Variants in STPG2 observed in about 807,000 individuals in gnomAD.
The protein encoded by STPG2 is sperm-tail PG-rich repeat-containing protein 2.
STPG2 carries 56 observed loss-of-function variants against 54.2 expected under a neutral mutation model. The ratio of observed to expected loss-of-function variants is 1.03; its 90% confidence interval spans 0.83 to 1.29. The LOEUF (loss-of-function observed/expected upper bound fraction) is 1.29. STPG2 is among the 50% of genes most tolerant of loss of function. The pLI is 0.00. For missense variants in STPG2, 596 were observed against 544.9 expected, an observed-to-expected ratio of 1.09 and a Z score of -0.93; for synonymous variants, 200 against 181.8, an observed-to-expected ratio of 1.10 and a Z score of -0.81.
intron 10 of STPG2, among the ~76,000 whole-genome samples, chr4:97,700,615 C>G (rs1723742274): frequency 6.6e-6 from 1 of 152,216 alleles, no homozygotes; most frequent in Non-Finnish European, 1.5e-5. Flanking sequence ...TTTCCTACTT[C>G]TTGCTCACTG....
intron 10 of STPG2, among the ~76,000 whole-genome samples, chr4:97,606,151 G>A (rs1290186591): frequency 6.6e-6 from 1 of 151,840 alleles, no homozygotes; most frequent in Admixed American, 6.6e-5. Flanking sequence ...TTCCCATCAC[G>A]TGGGGCATTT....
intron 10 of STPG2, among the ~76,000 whole-genome samples, chr4:97,661,712 G>A (rs1414076783): frequency 6.6e-6 from 1 of 151,714 alleles, no homozygotes; most frequent in Admixed American, 6.6e-5. Flanking sequence ...TATTAATAGG[G>A]GAGAAAAGGC....
intron 5 of STPG2, among the ~76,000 whole-genome samples, chr4:98,025,140 T>A (rs1328410944): frequency 2.0e-5 from 3 of 152,168 alleles, no homozygotes; most frequent in African/African-American, 7.2e-5. Context: ...GCAGTTCAAG[T>A]GAATTTAAGG....
intron 8 of STPG2, among the ~76,000 whole-genome samples, chr4:97,904,481 A>G (rs1486010055): frequency 6.6e-6 from 1 of 152,240 alleles, no homozygotes; most frequent in African/African-American, 2.4e-5. Flanking sequence ...GACCAAAAGT[A>G]GATAAAACCA....
At chr4:97,647,982 T>A (rs973887167) in intron 10 of STPG2, among the ~76,000 whole-genome samples, 5 of 152,076 alleles carry the variant, frequency 3.3e-5, no homozygotes, top group African/African-American at 1.2e-4. Context: ...TAAGAGCTAA[T>A]CTGAGAGTTT....
chr4:98,057,878 A>G (rs1258836359), intron 5 of STPG2, among the ~76,000 whole-genome samples: 2 of 152,230 alleles, frequency 1.3e-5, no homozygotes, highest in Admixed American at 6.5e-5. Context: ...TCTAAAATCC[A>G]TAAGAGATCA....
At chr4:97,776,148 G>A (rs1348872109) in intron 9 of STPG2, among the ~76,000 whole-genome samples, 1 of 152,000 alleles carries the variant, frequency 6.6e-6, no homozygotes, top group Non-Finnish European at 1.5e-5. Flanking sequence ...ATTTTTAAAA[G>A]GAATTAACTA....
At chr4:97,742,585 C>T (rs1725294004) in intron 9 of STPG2, among the ~76,000 whole-genome samples, 1 of 138,994 alleles carries the variant, frequency 7.2e-6, no homozygotes, top group Admixed American at 7.6e-5. Context: ...ATATGGAATA[C>T]TATCAGGTCT....
chr4:98,049,008 G>A (rs1014130974), intron 5 of STPG2: 2 of 152,082 alleles, frequency 1.3e-5, no homozygotes, highest in Admixed American at 1.3e-4. Flanking sequence ...TACTGAAGGG[G>A]GTTCAGGAGA....
At chr4:97,928,237 T>C (rs1303156372) in intron 8 of STPG2, among the ~76,000 whole-genome samples, 2 of 152,188 alleles carry the variant, frequency 1.3e-5, no homozygotes, top group Non-Finnish European at 2.9e-5. Flanking sequence ...GTAGGGCAAA[T>C]GCCCTTACGG....
chr4:97,863,558 A>C (rs946379773), intron 8 of STPG2, among the ~76,000 whole-genome samples: 1 of 152,230 alleles, frequency 6.6e-6, no homozygotes, highest in African/African-American at 2.4e-5. Context: ...AAATTATTCC[A>C]GTCAATAGAA....
At chr4:97,500,756 C>G (rs1031330687) in intron 4 of STPG2, among the ~76,000 whole-genome samples, 1 of 151,942 alleles carries the variant, frequency 6.6e-6, no homozygotes, top group African/African-American at 2.4e-5. Flanking sequence ...AGATGAGGAC[C>G]GAGAATTGAC....
At chr4:97,883,828 G>A (rs1015164201) in intron 8 of STPG2, among the ~76,000 whole-genome samples, 12 of 152,114 alleles carry the variant, frequency 7.9e-5, no homozygotes, top group East Asian at 1.9e-4. Flanking sequence ...AAGGCTTCTC[G>A]TCATATTTCA....
At chr4:98,111,187 A>G (rs11726758) in intron 3 of STPG2, among the ~76,000 whole-genome samples, 59,119 of 150,344 alleles carry the variant, frequency 0.39, 11,932 homozygotes, top group Middle Eastern at 0.46. Flanking sequence ...AACCCTCTTA[A>G]CATCCCCAGA....
chr4:97,648,255 A>C (rs1239680753), intron 10 of STPG2, among the ~76,000 whole-genome samples: 1 of 152,140 alleles, frequency 6.6e-6, no homozygotes, highest in Non-Finnish European at 1.5e-5. Context: ...TAGATGAAGC[A>C]TGTGCTTTCC....
rs150981777 is a variant in STPG2, at chr4:97,501,118, T to C, written c.462+211581A>G. 6.1e-3 allele frequency among the ~76,000 whole-genome samples: 934 copies of C among 152,188 alleles called. 5 individuals are homozygous for C. Among genetic ancestry groups the C allele is most frequent in the South Asian group, 0.02 (97 of 4,824 alleles). On this transcript the variant is annotated intron_variant, in intron 4 of 4. Transcript: ENST00000522676. ...TGATCCAGTTCACAACTAGAGAGACTGTGGATACGTACAGGAAAGGTTCAT... is the reference window on the plus strand; with the variant it reads ...TGATCCAGTTCACAACTAGAGAGACCGTGGATACGTACAGGAAAGGTTCAT...
rs750997152 is a variant in STPG2, at chr4:97,696,972, T to C, written c.1320+15727A>G. On this transcript the variant is annotated intron_variant, in intron 10 of 10. Transcript: ENST00000295268. ...AAATGAACATACTTGTTTGGGAAGA[T>C]TGCATTGCAGAACAGGCATAGGTGC... is the stretch of plus-strand genomic sequence containing the variant. Among the ~76,000 whole-genome samples, 181 of 152,308 alleles carry C rather than the reference T, an allele frequency of 1.2e-3. 1 individual carries two copies. The highest frequency in any genetic ancestry group is 2.9e-3 in the Admixed American group (44 of 15,286).
At chr4:97,924,035 C>T (rs1450645633) in intron 8 of STPG2, among the ~76,000 whole-genome samples, 1 of 152,188 alleles carries the variant, frequency 6.6e-6, no homozygotes, top group Non-Finnish European at 1.5e-5. Context: ...TGTTCTTTCA[C>T]TCTTTGCAAT....
intron 10 of STPG2, among the ~76,000 whole-genome samples, chr4:97,712,257 A>G (rs1017549674): frequency 9.9e-5 from 15 of 152,132 alleles, no homozygotes; most frequent in African/African-American, 3.4e-4. Context: ...ACCTTTATTT[A>G]TTATGAACTT....
Sources: allele counts gnomAD v4.1 joint callset (sites outside exome capture counted in the v4.1 genomes callset), GRCh38; gene constraint gnomAD v4.1.1; transcripts MANE v1.5; gene names NCBI Gene and HGNC (gene_info 2026-07-23, HGNC 2026-07-21).